BRINP3: variants seen among roughly 807,000 people sequenced by gnomAD.
The protein encoded by BRINP3 is BMP/retinoic acid-inducible neural-specific protein 3.
In BRINP3, 19 loss-of-function variants were observed where a neutral mutation model predicts 71.0. The observed-to-expected ratio is 0.27, with a 90% confidence interval of 0.19 to 0.39. The LOEUF is 0.39. BRINP3 is among the 10% of genes least tolerant of loss of function. The pLI, the probability that BRINP3 is intolerant of heterozygous loss-of-function variation, is 1.00. For missense variants in BRINP3, 959 were observed against 940.8 expected, an observed-to-expected ratio of 1.02 and a Z score of -0.25; for synonymous variants, 380 against 337.7, an observed-to-expected ratio of 1.13 and a Z score of -1.37.
chr1:190,414,542 G>A (rs1363166370), intron 2 of BRINP3, among the ~76,000 whole-genome samples: 1 of 152,138 alleles, frequency 6.6e-6, no homozygotes, highest in Non-Finnish European at 1.5e-5. Flanking sequence ...TTGTTTCATG[G>A]TTTCACTAAC....
Position 190,237,790 on chromosome 1 carries a change from G to A in BRINP3, c.619-3313C>T, listed in dbSNP as rs917028889. On this transcript the variant is annotated intron_variant, in intron 4 of 7. Coordinates refer to ENST00000367462, the MANE Select transcript of BRINP3 (RefSeq NM_199051.3). Reference sequence around the variant, plus strand: ...AAGTAACTTCTGAGTAATTTTATCAGCCATCAATTATGAACATAAAACACT... The same window carrying A: ...AAGTAACTTCTGAGTAATTTTATCAACCATCAATTATGAACATAAAACACT... Among the ~76,000 whole-genome samples the A allele has an allele frequency of 9.9e-4, 151 of 151,930 alleles. 1 individual carries two copies. Among genetic ancestry groups the A allele is most frequent in the Non-Finnish European group, 2.2e-4 (15 of 67,930 alleles).
intron 7 of BRINP3, chr1:190,154,183 C>T: frequency 2.5e-6 from 1 of 407,596 alleles, no homozygotes; most frequent in Non-Finnish European, 3.3e-6. Flanking sequence ...TTCATGCATT[C>T]CTCCCATTTA....
intron 4 of BRINP3, among the ~76,000 whole-genome samples, chr1:190,250,141 T>C (rs1660001141): frequency 6.6e-6 from 1 of 151,826 alleles, no homozygotes; most frequent in Non-Finnish European, 1.5e-5. Flanking sequence ...GAAGCTGAAA[T>C]AGAAATTCTA....
chr1:190,259,166 T>A (rs1261855846), intron 4 of BRINP3, among the ~76,000 whole-genome samples: 2 of 151,692 alleles, frequency 1.3e-5, no homozygotes, highest in South Asian at 4.2e-4. Flanking sequence ...TATTACCGCC[T>A]ACCAAAACCA....
chr1:190,352,003 T>A lies in BRINP3; in HGVS notation c.237-70253A>T, dbSNP rs112158188. On this transcript the variant is annotated intron_variant, in intron 2 of 7. Transcript: ENST00000367462. Reference sequence around the variant, plus strand: ...TTATACAGAAAAAATTCTTTATTTTTAAATGCCAGACGTAAATCTTTATTT... The same window carrying A: ...TTATACAGAAAAAATTCTTTATTTTAAAATGCCAGACGTAAATCTTTATTT... Among the ~76,000 whole-genome samples, 782 of 152,112 alleles carry A rather than the reference T, an allele frequency of 5.1e-3. 7 individuals are homozygous for A. Among genetic ancestry groups the A allele is most frequent in the African/African-American group, 0.018 (734 of 41,542 alleles).
At chr1:190,156,790 A>G (rs1656906581) in intron 7 of BRINP3, among the ~76,000 whole-genome samples, 1 of 152,042 alleles carries the variant, frequency 6.6e-6, no homozygotes, top group Non-Finnish European at 1.5e-5. Flanking sequence ...TTGGAAAACA[A>G]AGATTTATCT....
chr1:190,307,953 G>A (rs1301028022), intron 2 of BRINP3, among the ~76,000 whole-genome samples: 2 of 151,966 alleles, frequency 1.3e-5, no homozygotes, highest in Non-Finnish European at 2.9e-5. Context: ...ATAGGAATGT[G>A]AACCAAACAC....
rs139244413 is a variant in BRINP3, at chr1:190,429,146, C to T, written c.236+25509G>A. ...ATACACAAATTTAAAGAAGCTGTCA[C>T]TTTATAAAGCCATTGGAAGCAATAT... On this transcript the variant is annotated intron_variant, in intron 2 of 7. Transcript: ENST00000367462. Among the ~76,000 whole-genome samples the T allele has an allele frequency of 5.1e-3, 771 of 152,160 alleles. 5 individuals carry two copies. Among genetic ancestry groups the T allele is most frequent in the African/African-American group, 0.017 (708 of 41,524 alleles).
chr1:190,188,193 C>A (rs1358739228), intron 6 of BRINP3, among the ~76,000 whole-genome samples: 1 of 151,946 alleles, frequency 6.6e-6, no homozygotes, highest in African/African-American at 2.4e-5. Flanking sequence ...AATAGAAATG[C>A]TACTGATTTC....
At chr1:190,310,325 C>A (rs964066986) in intron 2 of BRINP3, among the ~76,000 whole-genome samples, 1 of 151,454 alleles carries the variant, frequency 6.6e-6, no homozygotes, top group Non-Finnish European at 1.5e-5. Context: ...TGAAAATATT[C>A]CACCATAAGG....
At chr1:190,351,784 C>T (rs1668403387) in intron 2 of BRINP3, among the ~76,000 whole-genome samples, 1 of 152,028 alleles carries the variant, frequency 6.6e-6, no homozygotes, top group Non-Finnish European at 1.5e-5. Flanking sequence ...CAATAATATG[C>T]TTTAAAATGT....
At chr1:190,458,911 T>A (rs1172457275) in intron 1 of BRINP3, among the ~76,000 whole-genome samples, 1 of 151,786 alleles carries the variant, frequency 6.6e-6, no homozygotes, top group Non-Finnish European at 1.5e-5. Flanking sequence ...TTCTGGACCA[T>A]GGGAGAGTGA....
intron 2 of BRINP3, among the ~76,000 whole-genome samples, chr1:190,377,293 G>A (rs921431494): frequency 6.6e-6 from 1 of 151,762 alleles, no homozygotes; most frequent in Non-Finnish European, 1.5e-5. Flanking sequence ...TGGAACACCT[G>A]CTTTTAATCC....
chr1:190,422,676 C>G (rs564967289), intron 2 of BRINP3, among the ~76,000 whole-genome samples: 1 of 151,874 alleles, frequency 6.6e-6, no homozygotes, highest in South Asian at 2.1e-4. Flanking sequence ...AGGCCACTTT[C>G]CAGAAAAAGA....
At chr1:190,101,393 G>T (rs1198513618) in intron 7 of BRINP3, among the ~76,000 whole-genome samples, 1 of 152,014 alleles carries the variant, frequency 6.6e-6, no homozygotes, top group Non-Finnish European at 1.5e-5. Flanking sequence ...TGTGCAAAAA[G>T]CTTCCTATTG....
intron 5 of BRINP3, among the ~76,000 whole-genome samples, chr1:190,228,399 G>T (rs1273745136): frequency 2.0e-5 from 3 of 151,344 alleles, no homozygotes; most frequent in Non-Finnish European, 4.4e-5. Context: ...AAAAACCAAA[G>T]AACTCGCGTA....
chr1:190,417,110 A>G (rs1207055164), intron 2 of BRINP3, among the ~76,000 whole-genome samples: 2 of 152,208 alleles, frequency 1.3e-5, no homozygotes, highest in Non-Finnish European at 2.9e-5. Flanking sequence ...CCCTAGATTC[A>G]AATGGAGAAC....
intron 4 of BRINP3, among the ~76,000 whole-genome samples, chr1:190,235,737 C>T (rs1454471658): frequency 6.6e-6 from 1 of 151,882 alleles, no homozygotes; most frequent in Non-Finnish European, 1.5e-5. Context: ...AATTTTTGCT[C>T]AAATTTCATT....
chr1:190,293,318 T>G (rs114912766), intron 2 of BRINP3, among the ~76,000 whole-genome samples: 2,147 of 152,300 alleles, frequency 0.014, 30 homozygotes, highest in Middle Eastern at 0.024. Context: ...TCCCATGTAT[T>G]TGTACAGTTT....
Sources: allele counts gnomAD v4.1 joint callset (sites outside exome capture counted in the v4.1 genomes callset), GRCh38; gene constraint gnomAD v4.1.1; transcripts MANE v1.5; gene names NCBI Gene and HGNC (gene_info 2026-07-23, HGNC 2026-07-21).